Variants in FAM83H observed in about 807,000 individuals in gnomAD.
FAM83H encodes the protein scaffolding CK1 anchoring protein H.
Under a neutral mutation model 30.2 loss-of-function variants are expected in FAM83H, and 24 were observed. The observed-to-expected ratio is 0.79, with a 90% confidence interval of 0.57 to 1.12. The LOEUF (loss-of-function observed/expected upper bound fraction) is 1.12. Ranked by LOEUF, FAM83H falls within the 50% of genes most tolerant of loss-of-function variation. The pLI is 0.00. For missense variants in FAM83H, 2,038 were observed against 1,773.9 expected, an observed-to-expected ratio of 1.15 and a Z score of -2.67; for synonymous variants, 1,013 against 821.7, an observed-to-expected ratio of 1.23 and a Z score of -3.98.
rs782255047 is a variant in FAM83H at position 143,730,421 on chromosome 8, G to A, written c.162C>T (p.Asp54=). The A allele has an allele frequency of 1.4e-5, 23 of 1,612,866 alleles. No homozygotes were observed. Among genetic ancestry groups the A allele is most frequent in the Non-Finnish European group, 1.8e-5 (21 of 1,180,040 alleles). The change falls in exon 2 of 5, where the codon GAC becomes GAT. Residue 54 remains aspartate (D), a synonymous_variant. Coordinates refer to ENST00000388913, the MANE Select transcript of FAM83H (RefSeq NM_198488.5). ...GTTCCAGCTCTTCAGGGCACAGGAAGTCTGGTGCCCCCTCGGTAGCGAGGA... is the reference window on the plus strand; with the variant it reads ...GTTCCAGCTCTTCAGGGCACAGGAAATCTGGTGCCCCCTCGGTAGCGAGGA... ...SRFLATEGAP[D]FLCPEELEHV... is the part of the protein sequence containing the mutation.
Position 143,727,807 on chromosome 8 carries a change from C to T in FAM83H, c.1654G>A (p.Ala552Thr), listed in dbSNP as rs1192726835. ...PNLTQRFPCQ[A>T]AARPGPDPAP... ...GGGTCTGGGCCCGGCCTCGCCGCGG[C>T]CTGGCATGGGAAGCGCTGGGTCAGG... The change falls in exon 5 of 5, where the codon GCC (alanine) becomes ACC (threonine). Residue 552 changes from alanine (A) to threonine (T), a missense_variant. By Grantham distance (58) the Ala-to-Thr change is moderately conservative. Transcript: ENST00000388913. 1 of 1,339,110 alleles carries T rather than the reference C, an allele frequency of 7.5e-7. No individual in the cohort carries two copies. 83.0% of individuals were successfully genotyped at this position (1,339,110 alleles called of 1,614,324 possible). A position where few individuals can be genotyped will look rare whatever the true frequency, so the allele number is the denominator to read the frequency against.
At position 143,731,272 on chromosome 8, in the gene FAM83H, A is replaced by C. The variant is rs7464078; in HGVS notation, c.-15-675T>G. 5,605 of 941,198 alleles carry C rather than the reference A, an allele frequency of 6.0e-3. 228 individuals carry two copies. The African/African-American group carries it at 0.088, about 15-fold the overall frequency. The allele number at this position is 941,198 out of a possible 1,614,324, so 58.3% of individuals were successfully genotyped here. On this transcript the variant is annotated intron_variant, in intron 1 of 4. Coordinates refer to ENST00000388913, the MANE Select transcript of FAM83H (RefSeq NM_198488.5). ...CAAGCTGGTGCCGCCCATGCTGCCC[A>C]TGTGTCCGTCTCTGACTGCCTGGGA... is the stretch of plus-strand genomic sequence containing the variant.
Position 143,726,277 on chromosome 8 carries a change from G to A in FAM83H, c.3184C>T (p.Pro1062Ser). 1.9e-6 allele frequency: 3 copies of A among 1,612,252 alleles called. No individual in the cohort carries two copies. Among genetic ancestry groups the A allele is most frequent in the Non-Finnish European group, 2.5e-6 (3 of 1,179,728 alleles). The change falls in exon 5 of 5, where the codon CCC (proline) becomes TCC (serine). Residue 1062 changes from proline to serine, a missense_variant. By Grantham distance (74) the Pro-to-Ser change is moderately conservative. Transcript: ENST00000388913. ...QKHRAVPAPS[P>S]GPTHNSPELG... ...TCGGGGCTGTTGTGGGTCGGGCCGG[G>A]GCTCGGGGCAGGGACCGCACGGTGC...
At position 143,726,221 on chromosome 8, in the gene FAM83H, C is replaced by A. The variant is rs201161520; in HGVS notation, c.3240G>T (p.Leu1080=). Residue 1080 remains leucine, a synonymous_variant, in exon 5 of 5, where the codon CTG becomes CTT. Transcript: ENST00000388913. The part of the protein sequence containing the change: ...ELGRPPAAGV[L]APDMSDKDKC... ...TGTCCTTGTCGGACATATCTGGGGC[C>A]AGGACGCCAGCAGCCGGTGGACGGC... is the stretch of plus-strand genomic sequence containing the variant. The A allele has an allele frequency of 1.1e-5, 17 of 1,612,206 alleles. No individual in the cohort carries two copies. In the Admixed American group the frequency reaches 2.8e-4, roughly 27 times the overall value.
Position 143,728,380 on chromosome 8 carries a change from GCGGCGGCTCCTCC to G in FAM83H, c.1068_1080del (p.Glu357GlyfsTer184). 1 of 1,545,172 alleles carries G rather than the reference GCGGCGGCTCCTCC, an allele frequency of 6.5e-7. No homozygotes were observed. The highest frequency in any genetic ancestry group is 2.5e-5 in the East Asian group (1 of 40,636). The stretch of plus-strand genomic sequence containing the variant: ...GGTTCCAGCGCGCCCCCCGGCATCC[GCGGCGGCTCCTCC>G]CGGCGGAAGGCCGACAGGAAGTGGC... On this transcript the variant is annotated frameshift_variant, in exon 5 of 5. Coordinates refer to ENST00000388913, the MANE Select transcript of FAM83H (RefSeq NM_198488.5). LOFTEE classifies it low-confidence loss of function (END_TRUNC).
rs1263036619 is a variant in FAM83H, at chr8:143,724,730, C to CTG, written c.*1190_*1191insCA. On this transcript the variant is annotated 3_prime_UTR_variant, in exon 5 of 5. Coordinates refer to ENST00000388913, the MANE Select transcript of FAM83H (RefSeq NM_198488.5). ...CCCATACCTGTCAAGGATAAGCACT[C>CTG]CACAACCAGCCCTTCTAGCGCCTGG... The CTG allele has an allele frequency of 6.6e-6, 1 of 152,404 alleles. No homozygotes were observed. Among genetic ancestry groups the CTG allele is most frequent in the Non-Finnish European group, 1.5e-5 (1 of 68,184 alleles). The allele number at this position is 152,404 out of a possible 1,614,324, so 9.4% of individuals were successfully genotyped here.
In FAM83H at chr8:143,727,884, G is replaced by A; in HGVS notation, c.1577C>T (p.Ala526Val). 3 of 1,392,276 alleles carry A rather than the reference G, an allele frequency of 2.2e-6. No homozygotes were observed. Among genetic ancestry groups the A allele is most frequent in the Non-Finnish European group, 2.8e-6 (3 of 1,083,290 alleles). The allele number at this position is 1,392,276 out of a possible 1,614,324, so 86.2% of individuals were successfully genotyped here. The change falls in exon 5 of 5, where the codon GCC (alanine) becomes GTC (valine). Residue 526 changes from alanine (A) to valine (V), a missense_variant. Transcript: ENST00000388913. ...SREVRHGSDP[A>V]FAPGPRGLEP... ...CAGGCCGCGGGGTCCGGGCGCGAAG[G>A]CGGGGTCCGAGCCGTGGCGCACCTC...
Position 143,727,226 on chromosome 8 carries a change from G to A in FAM83H, c.2235C>T (p.Ala745=), listed in dbSNP as rs1453075997. 1.2e-5 allele frequency: 19 copies of A among 1,534,306 alleles called. No individual in the cohort carries two copies. The highest frequency in any genetic ancestry group is 1.4e-5 in the Non-Finnish European group (16 of 1,145,944). The change falls in exon 5 of 5, where the codon GCC becomes GCT. Residue 745 remains alanine (A), a synonymous_variant. Transcript: ENST00000388913. The part of the protein sequence containing the change: ...AELLEKYKGP[A]RDPGGGAGAI... ...CGCCCGCGCCGCCGCCGGGATCACG[G>A]GCTGGGCCCTTGTACTTCTCCAGCA... is the stretch of plus-strand genomic sequence containing the variant.
At position 143,725,963 on chromosome 8, in the gene FAM83H, C is replaced by A; in HGVS notation, c.3498G>T (p.Lys1166Asn). The change falls in exon 5 of 5, where the codon AAG becomes AAT. Residue 1166 changes from lysine (K) to asparagine (N), a missense_variant. Physicochemically the swap from Lys to Asn is moderately conservative, Grantham distance 94. Coordinates refer to ENST00000388913, the MANE Select transcript of FAM83H (RefSeq NM_198488.5). ...ACGTGCCCAGGATCTTGGGCACGAACTTGCCCACCTTGCTGTCCCTGGTGC... is the reference window on the plus strand; with the variant it reads ...ACGTGCCCAGGATCTTGGGCACGAAATTGCCCACCTTGCTGTCCCTGGTGC... ...EEGTRDSKVG[K>N]FVPKILGTFK... 6.2e-7 allele frequency: 1 copy of A among 1,613,028 alleles called. No homozygotes were observed. Among genetic ancestry groups the A allele is most frequent in the Non-Finnish European group, 8.5e-7 (1 of 1,179,938 alleles).
In FAM83H at chr8:143,728,176, C is replaced by A. The variant is rs144418186; in HGVS notation, c.1285G>T (p.Val429Leu). The change falls in exon 5 of 5, where the codon GTG (valine) becomes TTG (leucine). Residue 429 changes from valine to leucine, a missense_variant. Transcript: ENST00000388913. ...AVENFAAARQ[V>L]SRQTFLSHGD... ...TGGCTGAGGAACGTCTGCCGCGACA[C>A]CTGCCGCGCGGCCGCGAAGTTCTCC... 0.012 allele frequency: 19,767 copies of A among 1,606,848 alleles called. 277 individuals are homozygous for A. Among genetic ancestry groups the A allele is most frequent in the Middle Eastern group, 0.041 (244 of 5,910 alleles).
intron 2 of FAM83H, among the ~76,000 whole-genome samples, chr8:143,729,661 G>A (rs1159319138): frequency 1.3e-5 from 2 of 152,210 alleles, no homozygotes; most frequent in East Asian, 3.9e-4. Flanking sequence ...CAGCTGTCAG[G>A]GCCAAGTGCC....
rs372910002 is a variant in FAM83H, at chr8:143,730,328, G to A, written c.255C>T (p.Asp85=). Residue 85 remains aspartate (D), a synonymous_variant, in exon 2 of 5, where the codon GAC becomes GAT. Transcript: ENST00000388913. ...TACCCGAGGAGCCATCCATGTCCAC[G>A]TCGAGAAGGCTGCCTTCAGGTGGCT... ...TREPPEGSLL[D]VDMDGSSGTY... is the part of the protein sequence containing the mutation. 216 of 1,613,778 alleles carry A rather than the reference G, an allele frequency of 1.3e-4. 6 individuals carry two copies. In the South Asian group the frequency reaches 1.9e-3, roughly 14 times the overall value.
rs1379795293 is a variant in FAM83H, at chr8:143,727,688, G to A, written c.1773C>T (p.His591=). The A allele has an allele frequency of 7.0e-6, 11 of 1,561,790 alleles. No homozygotes were observed. The highest frequency in any genetic ancestry group is 2.8e-5 in the African/African-American group (2 of 72,578). The change falls in exon 5 of 5, where the codon CAC becomes CAT. Residue 591 remains histidine, a synonymous_variant. Transcript: ENST00000388913. The stretch of plus-strand genomic sequence containing the variant: ...GGCCGTCGTCGCCCCCATCCTCGCC[G>A]TGGCAGCCGCTCAAGTAGGAGGCCA... The part of the protein sequence containing the change: ...WRLASYLSGC[H]GEDGGDDGLP...
Position 143,726,850 on chromosome 8 carries a change from G to A in FAM83H, c.2611C>T (p.Pro871Ser), listed in dbSNP as rs782554162. 10 of 1,613,062 alleles carry A rather than the reference G, an allele frequency of 6.2e-6. No homozygotes were observed. The highest frequency in any genetic ancestry group is 1.6e-4 in the Middle Eastern group (1 of 6,062). Reference sequence around the variant, plus strand: ...TTCCGCTCAGGGTAAGCCGAGGTGGGGCTCCCTTTTGACTCATTATGGAGC... The same window carrying A: ...TTCCGCTCAGGGTAAGCCGAGGTGGAGCTCCCTTTTGACTCATTATGGAGC... ...QVLHNESKGS[P>S]TSAYPERKGS... The change falls in exon 5 of 5, where the codon CCC becomes TCC. Residue 871 changes from proline (P) to serine (S), a missense_variant. Transcript: ENST00000388913.
At chr8:143,728,745 A>G (rs1818405510) in intron 4 of FAM83H, 22 bp from the exon 5 acceptor site, 1 of 1,598,348 alleles carries the variant, frequency 6.3e-7, no homozygotes, top group African/African-American at 1.3e-5. Flanking sequence ...TCAGGGCCAG[A>G]GTCAAACCGA....
In FAM83H at chr8:143,724,291, G is replaced by A. The variant is rs1440547907; in HGVS notation, c.*1630C>T. ...CCTTCCTTTCCCAGCTGCTGGAGTC[G>A]GAACTGCTGCCTTTGTTTGGCGGCC... On this transcript the variant is annotated 3_prime_UTR_variant, in exon 5 of 5. Coordinates refer to ENST00000388913, the MANE Select transcript of FAM83H (RefSeq NM_198488.5). The A allele has an allele frequency of 3.3e-5, 5 of 152,274 alleles. No homozygotes were observed. In the East Asian group the frequency reaches 5.8e-4, roughly 18 times the overall value. The allele number at this position is 152,274 out of a possible 1,614,324, so 9.4% of individuals were successfully genotyped here. A position where few individuals can be genotyped will look rare whatever the true frequency, so the allele number is the denominator to read the frequency against.
In FAM83H at chr8:143,727,064, C is replaced by T. The variant is rs1818325481; in HGVS notation, c.2397G>A (p.Gln799=). The T allele has an allele frequency of 1.3e-6, 2 of 1,548,778 alleles. No homozygotes were observed. Among genetic ancestry groups the T allele is most frequent in the Non-Finnish European group, 1.7e-6 (2 of 1,153,496 alleles). ...GCCGCTCCGCCTCCTGGTGCAGCTG[C>T]TGTGCAAAGGAGTCGCGCAGGTCCA... is the stretch of plus-strand genomic sequence containing the variant. ...CLLDLRDSFA[Q]QLHQEAERQP... is the part of the protein sequence containing the mutation. The change falls in exon 5 of 5, where the codon CAG becomes CAA. Residue 799 remains glutamine (Q), a synonymous_variant. Transcript: ENST00000388913.
rs548810380 is a variant in FAM83H at position 143,729,988 on chromosome 8, G to T, written c.447+148C>A. 32 of 722,650 alleles carry T rather than the reference G, an allele frequency of 4.4e-5. No individual in the cohort carries two copies. The African/African-American group carries it at 5.7e-4, about 13-fold the overall frequency. 44.8% of individuals were successfully genotyped at this position (722,650 alleles called of 1,614,324 possible). On this transcript the variant is annotated intron_variant, in intron 2 of 4. Coordinates refer to ENST00000388913, the MANE Select transcript of FAM83H (RefSeq NM_198488.5). ...CTGCAGCCCCTGATGACCGAGACCT[G>T]GCAGCCCTGAAGATCTTTGCCAGGG...
At position 143,725,569 on chromosome 8, in the gene FAM83H, C is replaced by T. The variant is rs577580467; in HGVS notation, c.*352G>A. 1.0e-4 allele frequency: 43 copies of T among 411,772 alleles called. 1 individual carries two copies. The highest frequency in any genetic ancestry group is 7.5e-4 in the African/African-American group (37 of 49,652). The allele number at this position is 411,772 out of a possible 1,614,324, so 25.5% of individuals were successfully genotyped here. ...CCAGACCGCTCAACTGCACTCCAGC[C>T]CTAGGTCTCAAAAAAATAAAGGGGG... is the stretch of plus-strand genomic sequence containing the variant. On this transcript the variant is annotated 3_prime_UTR_variant, in exon 5 of 5. Transcript: ENST00000388913.
Sources: allele counts gnomAD v4.1 joint callset (sites outside exome capture counted in the v4.1 genomes callset), GRCh38; gene constraint gnomAD v4.1.1; transcripts MANE v1.5; gene names NCBI Gene and HGNC (gene_info 2026-07-23, HGNC 2026-07-21).